ZNF713: variants seen among roughly 807,000 people sequenced by gnomAD.
ZNF713 encodes the protein zinc finger protein 713.
In ZNF713, 21 loss-of-function variants were observed where a neutral mutation model predicts 28.7. That is an observed-to-expected ratio of 0.73 (90% confidence interval 0.52 to 1.05). ZNF713 has a LOEUF of 1.05. Among genes scored for constraint, ZNF713 ranks in the 50% least tolerant of loss-of-function variants. ZNF713 has a pLI of 0.00. For synonymous variants in ZNF713, 167 were observed against 178.0 expected (o/e 0.94, Z 0.49); for missense variants, 458 against 532.4 (o/e 0.86, Z 1.37).
intron 6 of ZNF713, among the ~76,000 whole-genome samples, chr7:55,927,896 CA>C (rs71533249): frequency 3.1e-3 from 137 of 44,904 alleles, no homozygotes; most frequent in Non-Finnish European, 4.1e-3. Context: ...GACTCTGTCT[CA>C]AAAAAAAAAA....
In ZNF713 at chr7:55,939,669, A is replaced by G; in HGVS notation, c.995A>G (p.His332Arg). ...CGTCAGCATTCATCCTTTACTCAAC[A>G]TCTGAGGATTCATACTGGAGAAAAG... ...AFRQHSSFTQ[H>R]LRIHTGEKPY... is the part of the protein sequence containing the mutation. Residue 332 changes from histidine to arginine, a missense_variant, in exon 7 of 7, where the codon CAT (histidine) becomes CGT (arginine). Physicochemically the swap from His to Arg is conservative, Grantham distance 29. Transcript: ENST00000429591. The G allele has an allele frequency of 6.2e-7, 1 of 1,614,222 alleles. No homozygotes were observed. The highest frequency in any genetic ancestry group is 1.1e-5 in the South Asian group (1 of 91,084).
intron 1 of ZNF713, among the ~76,000 whole-genome samples, chr7:55,890,914 T>G (rs1403576801): frequency 6.6e-6 from 1 of 150,550 alleles, no homozygotes; most frequent in Non-Finnish European, 1.5e-5. Context: ...GAATTGTGCT[T>G]GAACCCAGGA....
chr7:55,913,764 CAG>C (rs774670485), intron 4 of ZNF713, among the ~76,000 whole-genome samples: 30 of 152,126 alleles, frequency 2.0e-4, no homozygotes, highest in Non-Finnish European at 3.4e-4. Context: ...CTTCATGAAA[CAG>C]AAACTGTTGC....
chr7:55,892,001 T>G (rs568682111), intron 1 of ZNF713, among the ~76,000 whole-genome samples: 69 of 152,244 alleles, frequency 4.5e-4, no homozygotes, highest in African/African-American at 1.6e-3. Flanking sequence ...CACAAGTGGC[T>G]GGGTGCAATG....
At chr7:55,898,535 G>A (rs1277107444) in intron 1 of ZNF713, among the ~76,000 whole-genome samples, 1 of 152,174 alleles carries the variant, frequency 6.6e-6, no homozygotes, top group East Asian at 1.9e-4. Context: ...AGGAGAGAGT[G>A]CAAAGTGCCA....
intron 1 of ZNF713, among the ~76,000 whole-genome samples, chr7:55,903,931 C>A (rs532532076): frequency 3.3e-5 from 5 of 152,168 alleles, no homozygotes; most frequent in Middle Eastern, 3.4e-3. Flanking sequence ...CTAAGAGTGG[C>A]AGGATGCCCT....
At chr7:55,910,361 G>A (rs1008799129) in intron 2 of ZNF713, among the ~76,000 whole-genome samples, 1 of 152,110 alleles carries the variant, frequency 6.6e-6, no homozygotes, top group Non-Finnish European at 1.5e-5. Context: ...GTGCATCCTT[G>A]TCTTGTTGTA....
chr7:55,940,009 TATG>T lies in ZNF713; in HGVS notation c.*4_*6del. On this transcript the variant is annotated 3_prime_UTR_variant, in exon 7 of 7. Transcript: ENST00000429591. ...GTCCTTCATTTAGCAGCACATAACT[TATG>T]GTGGGGGAAATCAGATAAATATATA... The T allele has an allele frequency of 1.9e-6, 3 of 1,552,904 alleles. No individual in the cohort carries two copies. Among genetic ancestry groups the T allele is most frequent in the Middle Eastern group, 1.7e-4 (1 of 5,776 alleles).
chr7:55,930,842 G>A (rs1229698280), intron 6 of ZNF713, among the ~76,000 whole-genome samples: 1 of 152,034 alleles, frequency 6.6e-6, no homozygotes, highest in Non-Finnish European at 1.5e-5. Flanking sequence ...AGACCATATG[G>A]CCCACAAAAC....
At chr7:55,902,087 A>T (rs963163247) in intron 1 of ZNF713, among the ~76,000 whole-genome samples, 1 of 152,174 alleles carries the variant, frequency 6.6e-6, no homozygotes, top group African/African-American at 2.4e-5. Flanking sequence ...GCTGCTCAGG[A>T]GGCTGAGGCA....
chr7:55,938,657 T>C (rs1444074451), intron 6 of ZNF713, among the ~76,000 whole-genome samples: 6 of 152,224 alleles, frequency 3.9e-5, no homozygotes, highest in Non-Finnish European at 7.3e-5. Flanking sequence ...CATTCCCCTG[T>C]CTCCCACCAC....
chr7:55,929,398 G>C lies in ZNF713; in HGVS notation c.307+5699G>C, dbSNP rs974201290. 5.6e-4 allele frequency among the ~76,000 whole-genome samples: 85 copies of C among 152,170 alleles called. 2 individuals carry two copies. Among genetic ancestry groups the C allele is most frequent in the Non-Finnish European group, 3.2e-4 (22 of 68,010 alleles). On this transcript the variant is annotated intron_variant, in intron 6 of 6. Transcript: ENST00000429591. ...TATAAAGGCATTATTTTAAATAATG[G>C]CATCATTTCAAATTAGGAGGTGAAA...
intron 4 of ZNF713, among the ~76,000 whole-genome samples, chr7:55,914,296 A>C (rs1584307596): frequency 6.6e-6 from 1 of 152,166 alleles, no homozygotes; most frequent in African/African-American, 2.4e-5. Flanking sequence ...CTATCATTCC[A>C]ATTATATGTG....
rs1785771193 is a variant in ZNF713 at position 55,910,852 on chromosome 7, T to G, written c.-455-764T>G. On this transcript the variant is annotated intron_variant, in intron 2 of 6. Coordinates refer to ENST00000429591, the MANE Select transcript of ZNF713 (RefSeq NM_182633.3). Reference sequence around the variant, plus strand: ...TGTGACAGGTTCCAGTACTCTTCCCTCAGCCTTCCCCTCCAGCCACGGTCA... The same window carrying G: ...TGTGACAGGTTCCAGTACTCTTCCCGCAGCCTTCCCCTCCAGCCACGGTCA... 1.3e-5 allele frequency among the ~76,000 whole-genome samples: 2 copies of G among 152,160 alleles called. 1 individual carries two copies. Among genetic ancestry groups the G allele is most frequent in the South Asian group, 4.1e-4 (2 of 4,826 alleles).
intron 1 of ZNF713, among the ~76,000 whole-genome samples, chr7:55,897,775 A>G (rs1785500597): frequency 6.6e-6 from 1 of 152,272 alleles, no homozygotes; most frequent in Non-Finnish European, 1.5e-5. Flanking sequence ...ACATATTGAC[A>G]TCGTGAACAT....
intron 1 of ZNF713, among the ~76,000 whole-genome samples, chr7:55,904,541 C>T (rs1785642678): frequency 7.0e-6 from 1 of 142,938 alleles, no homozygotes; most frequent in Non-Finnish European, 1.5e-5. Context: ...GTGGTCATAA[C>T]CAGAGCAGTT....
In ZNF713 at chr7:55,940,209, G is replaced by A; in HGVS notation, c.*203G>A. 2.2e-6 allele frequency: 2 copies of A among 909,870 alleles called. No individual in the cohort carries two copies. The highest frequency in any genetic ancestry group is 3.0e-6 in the Non-Finnish European group (2 of 666,428). 56.4% of individuals were successfully genotyped at this position (909,870 alleles called of 1,614,324 possible). Reference sequence around the variant, plus strand: ...ACAATCTTGGCTCACTGCAACCTCTGCCACCTGGGTTCAAGCGATTCTCCT... The same window carrying A: ...ACAATCTTGGCTCACTGCAACCTCTACCACCTGGGTTCAAGCGATTCTCCT... On this transcript the variant is annotated 3_prime_UTR_variant, in exon 7 of 7. Transcript: ENST00000429591.
chr7:55,889,116 T>TG (rs1423102787), intron 1 of ZNF713, among the ~76,000 whole-genome samples: 2 of 151,826 alleles, frequency 1.3e-5, no homozygotes, highest in African/African-American at 4.8e-5. Context: ...TTTTTTTTTT[T>TG]TTGAGATGGA....
intron 4 of ZNF713, among the ~76,000 whole-genome samples, chr7:55,915,204 A>C (rs1785858176): frequency 6.6e-6 from 1 of 152,222 alleles, no homozygotes; most frequent in African/African-American, 2.4e-5. Context: ...AATAAGTGGC[A>C]TGTCTGCTTT....
Sources: gnomAD v4.1 joint callset for allele counts (sites outside exome capture counted in the v4.1 genomes callset) on GRCh38, gnomAD v4.1.1 for gene constraint, MANE v1.5 for transcripts, NCBI Gene and HGNC (gene_info 2026-07-23, HGNC 2026-07-21) for gene names.